ATXN1: variants seen among roughly 807,000 people sequenced by gnomAD.
The protein encoded by ATXN1 is ataxin-1.
A neutral mutation model predicts 56.4 loss-of-function variants in ATXN1; 8 were observed. That is an observed-to-expected ratio of 0.14 (90% CI 0.08 to 0.26). The LOEUF is 0.26. Ranked by LOEUF, ATXN1 falls within the 10% of genes least tolerant of loss-of-function variation. The probability of loss-of-function intolerance (pLI) is 1.00; values close to 1 mark genes in which losing one functional copy is unlikely to be tolerated. For missense variants in ATXN1, 987 were observed against 1,106.5 expected, an observed-to-expected ratio of 0.89 and a Z score of 1.53; for synonymous variants, 514 against 494.6, an observed-to-expected ratio of 1.04 and a Z score of -0.52.
chr6:16,606,643 C>T (rs1211058043), intron 3 of ATXN1, among the ~76,000 whole-genome samples: 2 of 151,904 alleles, frequency 1.3e-5, no homozygotes, highest in African/African-American at 4.8e-5. Flanking sequence ...ATTCTCCTGC[C>T]TCAGCCTCCC....
chr6:16,580,733 C>T (rs914608794), intron 4 of ATXN1, among the ~76,000 whole-genome samples: 10 of 151,966 alleles, frequency 6.6e-5, no homozygotes, highest in African/African-American at 2.4e-4. Context: ...TTAAAGTATC[C>T]AAAATAGTTT....
intron 6 of ATXN1, among the ~76,000 whole-genome samples, chr6:16,470,166 C>A (rs1372641990): frequency 6.6e-6 from 1 of 152,142 alleles, no homozygotes; most frequent in African/African-American, 2.4e-5. Flanking sequence ...GAAGGAAATT[C>A]TGACATGCTA....
chr6:16,600,818 T>C (rs2113780007), intron 3 of ATXN1, among the ~76,000 whole-genome samples: 1 of 152,360 alleles, frequency 6.6e-6, no homozygotes, highest in East Asian at 1.9e-4. Flanking sequence ...ACTTCAATCA[T>C]TCCCAAATGA....
intron 6 of ATXN1, among the ~76,000 whole-genome samples, chr6:16,390,984 A>C (rs1758343160): frequency 6.6e-6 from 1 of 152,036 alleles, no homozygotes; most frequent in Non-Finnish European, 1.5e-5. Context: ...AACATGGATA[A>C]ACCCCATCTC....
intron 5 of ATXN1, among the ~76,000 whole-genome samples, chr6:16,491,258 A>AATTATTATTATTATTATTATTATTATT (rs71535082): frequency 1.9e-5 from 2 of 107,458 alleles, no homozygotes; most frequent in Admixed American, 1.0e-4. Flanking sequence ...ACACCTGGCT[A>AATTATTATTATTATTATTATTATTATT]ATTATTATTA....
intron 2 of ATXN1, among the ~76,000 whole-genome samples, chr6:16,686,536 G>A (rs1039131147): frequency 6.6e-6 from 1 of 151,754 alleles, no homozygotes; most frequent in African/African-American, 2.4e-5. Flanking sequence ...ATATAGAAGG[G>A]AATTACTTAG....
At position 16,302,759 on chromosome 6, in the gene ATXN1, G is replaced by C. The variant is rs1445850888; in HGVS notation, c.*3570C>G. 1 of 152,610 alleles carries C rather than the reference G, an allele frequency of 6.6e-6. No homozygotes were observed. The highest frequency in any genetic ancestry group is 2.4e-5 in the African/African-American group (1 of 41,422). The allele number at this position is 152,610 out of a possible 1,614,324, so 9.5% of individuals were successfully genotyped here. On this transcript the variant is annotated 3_prime_UTR_variant, in exon 8 of 8. Coordinates refer to ENST00000436367, the MANE Select transcript of ATXN1 (RefSeq NM_001128164.2). The stretch of plus-strand genomic sequence containing the variant: ...GCCTGCTGTTACTAGTTTAAAAATG[G>C]AAAACAGGAAAGAAAGAACAAAAGA...
intron 6 of ATXN1, among the ~76,000 whole-genome samples, chr6:16,461,180 G>A (rs1207737518): frequency 6.6e-6 from 1 of 152,200 alleles, no homozygotes; most frequent in Admixed American, 6.5e-5. Flanking sequence ...AAGGACCCAT[G>A]GTATGGAACA....
intron 4 of ATXN1, among the ~76,000 whole-genome samples, chr6:16,552,784 G>C (rs780367768): frequency 1.3e-5 from 2 of 152,168 alleles, no homozygotes; most frequent in Non-Finnish European, 2.9e-5. Context: ...CTGTTTACCT[G>C]CTGGTCCATG....
chr6:16,385,174 ACAAGTATG>A (rs539754160), intron 6 of ATXN1, among the ~76,000 whole-genome samples: 154 of 152,322 alleles, frequency 1.0e-3, no homozygotes, highest in Non-Finnish European at 1.7e-3. Context: ...TCAGGGAAGC[ACAAGTATG>A]GCATGCCAGG....
At chr6:16,308,489 C>T (rs1760312674) in intron 7 of ATXN1, among the ~76,000 whole-genome samples, 1 of 152,102 alleles carries the variant, frequency 6.6e-6, no homozygotes, top group Non-Finnish European at 1.5e-5. Context: ...ACCAAGTGGG[C>T]TTTTGATAGT....
chr6:16,522,713 A>T lies in ATXN1; in HGVS notation c.-360-25T>A, dbSNP rs563820533. On this transcript the variant is annotated intron_variant, in intron 4 of 7. Transcript: ENST00000436367. ...ACTGGAATAGAAAAAAAGATTTTTT[A>T]AAAAAATTAATAACTCCATTCTCTA... is the stretch of plus-strand genomic sequence containing the variant. 33 of 152,322 alleles carry T rather than the reference A, an allele frequency of 2.2e-4. No individual in the cohort carries two copies. In the East Asian group the frequency reaches 2.5e-3, roughly 12 times the overall value. 9.4% of individuals were successfully genotyped at this position (152,322 alleles called of 1,614,324 possible). A position where few individuals can be genotyped will look rare whatever the true frequency, so the allele number is the denominator to read the frequency against.
chr6:16,393,567 C>CT (rs1758397433), intron 6 of ATXN1, among the ~76,000 whole-genome samples: 1 of 152,186 alleles, frequency 6.6e-6, no homozygotes, highest in East Asian at 1.9e-4. Flanking sequence ...ATATGTGACT[C>CT]TATCTCTACA....
In ATXN1 at chr6:16,306,160, A is replaced by T; in HGVS notation, c.*169T>A. 1 of 836,136 alleles carries T rather than the reference A, an allele frequency of 1.2e-6. No homozygotes were observed. Among genetic ancestry groups the T allele is most frequent in the South Asian group, 1.8e-5 (1 of 56,488 alleles). 51.8% of individuals were successfully genotyped at this position (836,136 alleles called of 1,614,324 possible). A position where few individuals can be genotyped will look rare whatever the true frequency, so the allele number is the denominator to read the frequency against. On this transcript the variant is annotated 3_prime_UTR_variant, in exon 8 of 8. Transcript: ENST00000436367. This position sits in a 1 kb window ranked among gnomAD's most constrained non-coding sequence, Gnocchi z 5.2. ...TGACAGACACTCGTGGAAAAAGCATATGCACCAGTCTCCTGCGACACACCT... is the reference window on the plus strand; with the variant it reads ...TGACAGACACTCGTGGAAAAAGCATTTGCACCAGTCTCCTGCGACACACCT...
At chr6:16,695,840 T>C (rs1182536045) in intron 2 of ATXN1, among the ~76,000 whole-genome samples, 2 of 152,174 alleles carry the variant, frequency 1.3e-5, no homozygotes, top group African/African-American at 4.8e-5. Flanking sequence ...CGCACAAGTC[T>C]GTAGTCCTAG....
At chr6:16,365,603 A>G (rs941495052) in intron 6 of ATXN1, among the ~76,000 whole-genome samples, 8 of 152,226 alleles carry the variant, frequency 5.3e-5, no homozygotes, top group Non-Finnish European at 8.8e-5. Context: ...AAATGACATA[A>G]CCAAATAGAA....
intron 6 of ATXN1, among the ~76,000 whole-genome samples, chr6:16,444,819 A>AC (rs1759600332): frequency 6.6e-6 from 1 of 152,170 alleles, no homozygotes; most frequent in Non-Finnish European, 1.5e-5. Flanking sequence ...ACCAACCATT[A>AC]CCTCCTGAAG....
chr6:16,474,971 T>G (rs1399784808), intron 6 of ATXN1, among the ~76,000 whole-genome samples: 2 of 152,184 alleles, frequency 1.3e-5, no homozygotes, highest in African/African-American at 4.8e-5. Flanking sequence ...GACTAGACTG[T>G]TTTTACCTAT....
chr6:16,452,836 C>T (rs901989972), intron 6 of ATXN1, among the ~76,000 whole-genome samples: 10 of 152,166 alleles, frequency 6.6e-5, no homozygotes, highest in Non-Finnish European at 1.3e-4. Flanking sequence ...AATTAATTCA[C>T]ATTAAAACTC....
Sources: allele counts gnomAD v4.1 joint callset (sites outside exome capture counted in the v4.1 genomes callset), GRCh38; gene constraint gnomAD v4.1.1; non-coding constraint Gnocchi (gnomAD v3.1); transcripts MANE v1.5; gene names NCBI Gene and HGNC (gene_info 2026-07-23, HGNC 2026-07-21).